The following LINGO2 variants were observed in gnomAD, a reference collection of about 807,000 sequenced individuals.
The protein encoded by LINGO2 is leucine rich repeat and Ig domain containing 2.
In LINGO2, 14 loss-of-function variants were observed where a neutral mutation model predicts 30.6. The ratio of observed to expected loss-of-function variants is 0.46; its 90% CI spans 0.30 to 0.72. The LOEUF is 0.72. Ranked by LOEUF, LINGO2 falls within the 30% of genes least tolerant of loss-of-function variation. The pLI, the probability that LINGO2 is intolerant of heterozygous loss-of-function variation, is 0.07. For synonymous variants in LINGO2, 317 were observed against 288.5 expected (o/e 1.10, Z -1.00); for missense variants, 729 against 751.7 (o/e 0.97, Z 0.35).
At chr9:28,323,148 T>A (rs1031581570) in intron 3 of LINGO2, among the ~76,000 whole-genome samples, 2 of 152,196 alleles carry the variant, frequency 1.3e-5, no homozygotes, top group African/African-American at 2.4e-5. Flanking sequence ...TACAGTTTAA[T>A]ATGTTATATA....
intron 1 of LINGO2, among the ~76,000 whole-genome samples, chr9:28,552,741 A>C (rs1318910480): frequency 2.7e-5 from 4 of 148,588 alleles, no homozygotes; most frequent in African/African-American, 7.4e-5. Flanking sequence ...GGGTTCCCTA[A>C]TTTTATTTTA....
At chr9:28,043,964 G>A (rs952039379) in intron 4 of LINGO2, among the ~76,000 whole-genome samples, 3 of 152,206 alleles carry the variant, frequency 2.0e-5, no homozygotes, top group African/African-American at 7.2e-5. Flanking sequence ...TGATGTATAT[G>A]TTAGTACTAT....
At chr9:27,987,758 C>T (rs901392228) in intron 5 of LINGO2, among the ~76,000 whole-genome samples, 1 of 151,794 alleles carries the variant, frequency 6.6e-6, no homozygotes, top group Non-Finnish European at 1.5e-5. Flanking sequence ...CCCTAAAATT[C>T]CACTTAAATA....
chr9:29,166,946 G>A, the LINGO2 span, among the ~76,000 whole-genome samples: 1 of 152,060 alleles, frequency 6.6e-6, no homozygotes, highest in African/African-American at 2.4e-5. Flanking sequence ...AGATAGATAT[G>A]AGAAAGAGGG....
Position 28,596,491 on chromosome 9 carries a change from C to A in LINGO2, c.-365+73709G>T, listed in dbSNP as rs148798142. On this transcript the variant is annotated intron_variant, in intron 1 of 5. Coordinates refer to ENST00000379992, the Ensembl canonical transcript of LINGO2. Reference sequence around the variant, plus strand: ...AGTGATATCATAAGAAAAATCAATTCTTAGTAGAGAATATTCTATAATAGA... The same window carrying A: ...AGTGATATCATAAGAAAAATCAATTATTAGTAGAGAATATTCTATAATAGA... Among the ~76,000 whole-genome samples, 32 of 152,154 alleles carry A rather than the reference C, an allele frequency of 2.1e-4. 1 individual carries two copies. The East Asian group carries it at 5.6e-3, about 27-fold the overall frequency.
chr9:28,182,086 A>C (rs976147484), intron 4 of LINGO2, among the ~76,000 whole-genome samples: 3 of 152,178 alleles, frequency 2.0e-5, no homozygotes, highest in Non-Finnish European at 4.4e-5. Flanking sequence ...ACAGTAACCA[A>C]AACAGCATGG....
At chr9:28,850,136 G>T in the LINGO2 span, among the ~76,000 whole-genome samples, 1 of 151,936 alleles carries the variant, frequency 6.6e-6, no homozygotes, top group Non-Finnish European at 1.5e-5. Flanking sequence ...TCTGCATACA[G>T]TTACTTCTTA....
At chr9:29,026,758 T>G in the LINGO2 span, among the ~76,000 whole-genome samples, 2 of 152,166 alleles carry the variant, frequency 1.3e-5, no homozygotes, top group African/African-American at 4.8e-5. Flanking sequence ...AGATACTTAA[T>G]TTTAAAATTC....
chr9:28,893,560 C>G, the LINGO2 span, among the ~76,000 whole-genome samples: 1 of 151,654 alleles, frequency 6.6e-6, no homozygotes, highest in Non-Finnish European at 1.5e-5. Flanking sequence ...TGTCTGTGTC[C>G]TTGACAGCAA....
chr9:28,878,990 C>T, the LINGO2 span, among the ~76,000 whole-genome samples: 1 of 152,010 alleles, frequency 6.6e-6, no homozygotes, highest in Non-Finnish European at 1.5e-5. Flanking sequence ...CTGGCCAGGG[C>T]AATTAGGCAG....
chr9:29,037,681 G>C, the LINGO2 span, among the ~76,000 whole-genome samples: 1 of 151,598 alleles, frequency 6.6e-6, no homozygotes, highest in Non-Finnish European at 1.5e-5. Flanking sequence ...GTTGAGTATT[G>C]GTAACGGAAG....
the LINGO2 span, among the ~76,000 whole-genome samples, chr9:28,745,455 T>C: frequency 6.6e-6 from 1 of 152,066 alleles, no homozygotes; most frequent in East Asian, 1.9e-4. Context: ...AATGCCAAAT[T>C]CTTTCTGTTC....
At chr9:28,973,676 A>G in the LINGO2 span, among the ~76,000 whole-genome samples, 7 of 152,132 alleles carry the variant, frequency 4.6e-5, no homozygotes, top group African/African-American at 1.2e-4. Flanking sequence ...TTCCTTTATA[A>G]ATTACCCAGT....
At chr9:29,177,603 A>C in the LINGO2 span, among the ~76,000 whole-genome samples, 2 of 152,178 alleles carry the variant, frequency 1.3e-5, no homozygotes, top group Non-Finnish European at 2.9e-5. Context: ...CCCAAATCCA[A>C]GACTTGAAAA....
At chr9:28,065,784 G>C (rs781237373) in intron 4 of LINGO2, among the ~76,000 whole-genome samples, 44 of 152,146 alleles carry the variant, frequency 2.9e-4, no homozygotes, top group Non-Finnish European at 5.9e-4. Flanking sequence ...ACATGTGAAA[G>C]GCTCAGTAAT....
intron 4 of LINGO2, among the ~76,000 whole-genome samples, chr9:28,099,370 G>A (rs1420507763): frequency 6.6e-6 from 1 of 152,096 alleles, no homozygotes; most frequent in Non-Finnish European, 1.5e-5. Context: ...GTGCTTTCTT[G>A]TTTTTTGTTT....
At chr9:28,252,186 A>T (rs941257813) in intron 4 of LINGO2, among the ~76,000 whole-genome samples, 10 of 152,186 alleles carry the variant, frequency 6.6e-5, no homozygotes, top group African/African-American at 2.2e-4. Context: ...TACAAAGATC[A>T]TTACATAAAT....
the LINGO2 span, among the ~76,000 whole-genome samples, chr9:28,875,774 T>C: frequency 6.6e-6 from 1 of 152,184 alleles, no homozygotes; most frequent in South Asian, 2.1e-4. Flanking sequence ...AGAAAGGTGC[T>C]ATTGACTTTA....
chr9:28,368,594 CTTT>C (rs60310040), intron 3 of LINGO2, among the ~76,000 whole-genome samples: 80 of 123,622 alleles, frequency 6.5e-4, no homozygotes, highest in Non-Finnish European at 1.2e-3. Flanking sequence ...CTTTTCTTTT[CTTT>C]TTTTTTTTTT....
Sources: gnomAD v4.1 joint callset for allele counts (sites outside exome capture counted in the v4.1 genomes callset) on GRCh38, gnomAD v4.1.1 for gene constraint, MANE v1.5 for transcripts, NCBI Gene and HGNC (gene_info 2026-07-23, HGNC 2026-07-21) for gene names.